PHF3: variants seen among roughly 807,000 people sequenced by gnomAD.
The protein encoded by PHF3 is PHD finger protein 3.
Under a neutral mutation model 178.4 loss-of-function variants are expected in PHF3, and 41 were observed. That is an observed-to-expected ratio of 0.23 (90% CI 0.18 to 0.30). The LOEUF (loss-of-function observed/expected upper bound fraction) is 0.30, where lower values mean the gene tolerates loss of function less well. Ranked by LOEUF, PHF3 falls within the 10% of genes least tolerant of loss-of-function variation. The pLI is 1.00. For synonymous variants in PHF3, 842 were observed against 800.5 expected (o/e 1.05, Z -0.88); for missense variants, 2,346 against 2,398.1 (o/e 0.98, Z 0.45).
chr6:63,687,339 A>G (rs568559697), intron 4 of PHF3, among the ~76,000 whole-genome samples: 18 of 152,302 alleles, frequency 1.2e-4, no homozygotes, highest in African/African-American at 4.1e-4. Flanking sequence ...CATGAGAATC[A>G]CTTGAACCTG....
Position 63,720,211 on chromosome 6 carries a change from A to G in PHF3, c.*6503A>G, listed in dbSNP as rs1160004095. The G allele has an allele frequency of 7.5e-6, 2 of 267,578 alleles. No homozygotes were observed. The highest frequency in any genetic ancestry group is 1.4e-5 in the Non-Finnish European group (2 of 143,380). 16.6% of individuals were successfully genotyped at this position (267,578 alleles called of 1,614,324 possible). ...TTTTTCTTATTTGTACCTATCCCTA[A>G]TTCATTCCCAACTGAATTTTAAACA... On this transcript the variant is annotated 3_prime_UTR_variant, in exon 16 of 16. Transcript: ENST00000262043.
At chr6:63,663,040 A>G (rs1047241769) in intron 2 of PHF3, among the ~76,000 whole-genome samples, 3 of 152,216 alleles carry the variant, frequency 2.0e-5, no homozygotes, top group Non-Finnish European at 4.4e-5. Context: ...ATTTTGATAT[A>G]AAGAATATCA....
Position 63,694,741 on chromosome 6 carries a change from C to T in PHF3, c.2657C>T (p.Thr886Ile). The T allele has an allele frequency of 2.0e-6, 3 of 1,528,212 alleles. No homozygotes were observed. The highest frequency in any genetic ancestry group is 1.8e-6 in the Non-Finnish European group (2 of 1,138,898). 94.7% of individuals were successfully genotyped at this position (1,528,212 alleles called of 1,614,324 possible). ...IPKESTTVTCTGEKASKPGTH... is the reference protein window; with the variant it reads ...IPKESTTVTCIGEKASKPGTH... ...AAAGAGTCTACAACTGTTACTTGCA[C>T]AGGAGAAAAAGCTTCAAAACCAGGT... Residue 886 changes from threonine (T) to isoleucine (I), a missense_variant, in exon 6 of 16, where the codon ACA (threonine) becomes ATA (isoleucine). Physicochemically the swap from Thr to Ile is moderately conservative, Grantham distance 89 (BLOSUM62 -1). Around this residue, in one of 8 missense-constraint regions of PHF3, gnomAD observed 252 missense variants for 232.0 expected, o/e 1.09. Coordinates refer to ENST00000262043, the MANE Select transcript of PHF3 (RefSeq NM_001370348.2).
At position 63,720,609 on chromosome 6, in the gene PHF3, T is replaced by C. The variant is rs901774102; in HGVS notation, c.*6901T>C. The C allele has an allele frequency of 1.3e-6, 2 of 1,484,396 alleles. No individual in the cohort carries two copies. Among genetic ancestry groups the C allele is most frequent in the Non-Finnish European group, 1.8e-6 (2 of 1,114,630 alleles). 92.0% of individuals were successfully genotyped at this position (1,484,396 alleles called of 1,614,324 possible). A position where few individuals can be genotyped will look rare whatever the true frequency, so the allele number is the denominator to read the frequency against. On this transcript the variant is annotated 3_prime_UTR_variant, in exon 16 of 16. Coordinates refer to ENST00000262043, the MANE Select transcript of PHF3 (RefSeq NM_001370348.2). ...TCTAGTGTTAACTTATGTAACCTCA[T>C]TTTGTTCATCTCCATCATAAACATT... is the stretch of plus-strand genomic sequence containing the variant.
At chr6:63,699,099 G>A (rs1454368397) in intron 8 of PHF3, among the ~76,000 whole-genome samples, 2 of 152,114 alleles carry the variant, frequency 1.3e-5, no homozygotes, top group African/African-American at 4.8e-5. Context: ...AAGTATTATA[G>A]CAGTAGAGTA....
intron 2 of PHF3, among the ~76,000 whole-genome samples, chr6:63,653,780 CTT>C (rs1765118366): frequency 6.6e-6 from 1 of 151,958 alleles, no homozygotes; most frequent in Non-Finnish European, 1.5e-5. Flanking sequence ...TTTGTCATGC[CTT>C]TATTGTGTTG....
chr6:63,714,849 CTGTACAGTTTCATA>C lies in PHF3; in HGVS notation c.*1144_*1157del, dbSNP rs1768131262. On this transcript the variant is annotated 3_prime_UTR_variant, in exon 16 of 16. Coordinates refer to ENST00000262043, the MANE Select transcript of PHF3 (RefSeq NM_001370348.2). Reference sequence around the variant, plus strand: ...CGATTTAGCCTAATTCGTAAAGTAACTGTACAGTTTCATATGCCAGTTTTACTTGAAAAAAAAAT... The same window carrying C: ...CGATTTAGCCTAATTCGTAAAGTAACTGCCAGTTTTACTTGAAAAAAAAAT... The C allele has an allele frequency of 6.6e-6, 1 of 151,832 alleles. No individual in the cohort carries two copies. The highest frequency in any genetic ancestry group is 2.4e-5 in the African/African-American group (1 of 41,352). The allele number at this position is 151,832 out of a possible 1,614,324, so 9.4% of individuals were successfully genotyped here.
At chr6:63,707,967 A>G (rs1451367713) in intron 13 of PHF3, among the ~76,000 whole-genome samples, 6 of 151,942 alleles carry the variant, frequency 3.9e-5, no homozygotes, top group African/African-American at 9.7e-5. Context: ...CCCGGGTTCA[A>G]CCATTCTCCT....
chr6:63,662,465 A>G (rs1765510248), intron 2 of PHF3, among the ~76,000 whole-genome samples: 1 of 152,220 alleles, frequency 6.6e-6, no homozygotes, highest in South Asian at 2.1e-4. Flanking sequence ...ACAGGATTGC[A>G]GAATCCCTTG....
Position 63,706,717 on chromosome 6 carries a change from G to A in PHF3, c.3564-12G>A, listed in dbSNP as rs750938743. 3.1e-6 allele frequency: 5 copies of A among 1,611,156 alleles called. No individual in the cohort carries two copies. The East Asian group carries it at 6.7e-5, about 22-fold the overall frequency. On this transcript the variant is annotated splice_polypyrimidine_tract_variant and intron_variant, in intron 12 of 15. Transcript: ENST00000262043. ...TCAGCTTGTCTTTAGGCTTTTTAAT[G>A]TCATTTTCTAGTCCAGAGATGCCTG... is the stretch of plus-strand genomic sequence containing the variant.
At chr6:63,692,998 C>T (rs1232555379) in intron 5 of PHF3, among the ~76,000 whole-genome samples, 3 of 152,136 alleles carry the variant, frequency 2.0e-5, no homozygotes, top group African/African-American at 7.2e-5. Context: ...CCTTGTACGA[C>T]AAATCTGGAT....
intron 1 of PHF3, among the ~76,000 whole-genome samples, chr6:63,643,957 T>G (rs998351892): frequency 6.6e-6 from 1 of 152,206 alleles, no homozygotes. Context: ...GGCCTGGTCT[T>G]CAGTATAGCT....
intron 2 of PHF3, among the ~76,000 whole-genome samples, chr6:63,650,084 A>G (rs1468712436): frequency 3.3e-5 from 5 of 152,228 alleles, no homozygotes; most frequent in African/African-American, 9.6e-5. Flanking sequence ...TATATTGAAA[A>G]TAAATGTTCA....
Position 63,694,747 on chromosome 6 carries a change from A to C in PHF3, c.2663A>C (p.Glu888Ala), listed in dbSNP as rs1434851076. The C allele has an allele frequency of 2.0e-6, 3 of 1,503,146 alleles. No individual in the cohort carries two copies. The highest frequency in any genetic ancestry group is 1.8e-6 in the Non-Finnish European group (2 of 1,126,732). 93.1% of individuals were successfully genotyped at this position (1,503,146 alleles called of 1,614,324 possible). ...KESTTVTCTG[E>A]KASKPGTHEK... ...TCTACAACTGTTACTTGCACAGGAG[A>C]AAAAGCTTCAAAACCAGGTAGTGAG... Residue 888 changes from glutamate (E) to alanine (A), a missense_variant, in exon 6 of 16, where the codon GAA (glutamate) becomes GCA (alanine). Around this residue, in one of 8 missense-constraint regions of PHF3, gnomAD observed 252 missense variants for 232.0 expected, o/e 1.09. Coordinates refer to ENST00000262043, the MANE Select transcript of PHF3 (RefSeq NM_001370348.2).
rs1768458900 is a variant in PHF3, at chr6:63,722,861, C to T, written c.*9153C>T. Among the ~76,000 whole-genome samples the T allele has an allele frequency of 6.6e-6, 1 of 152,188 alleles. No individual in the cohort carries two copies. The highest frequency in any genetic ancestry group is 1.5e-5 in the Non-Finnish European group (1 of 68,030). ...GTTTGGCAGCTCTATAGTTCTTCACCTATCAAACTACGTTCTCTAGCTTTA... is the reference window on the plus strand; with the variant it reads ...GTTTGGCAGCTCTATAGTTCTTCACTTATCAAACTACGTTCTCTAGCTTTA... On this transcript the variant is annotated 3_prime_UTR_variant, in exon 16 of 16. Coordinates refer to ENST00000262043, the MANE Select transcript of PHF3 (RefSeq NM_001370348.2).
At position 63,715,326 on chromosome 6, in the gene PHF3, ATTAAC is replaced by A. The variant is rs1768153557; in HGVS notation, c.*1621_*1625del. 1 of 152,184 alleles carries A rather than the reference ATTAAC, an allele frequency of 6.6e-6. No individual in the cohort carries two copies. The highest frequency in any genetic ancestry group is 1.5e-5 in the Non-Finnish European group (1 of 68,026). 9.4% of individuals were successfully genotyped at this position (152,184 alleles called of 1,614,324 possible). ...ACTTTGGTCCACTTTTCTTTTGGAAATTAACTTGTTAGAAAACAAAGTTAGTTCCC... is the reference window on the plus strand; with the variant it reads ...ACTTTGGTCCACTTTTCTTTTGGAAATTGTTAGAAAACAAAGTTAGTTCCC... On this transcript the variant is annotated 3_prime_UTR_variant, in exon 16 of 16. Transcript: ENST00000262043.
chr6:63,642,466 G>A (rs955797677), intron 1 of PHF3, among the ~76,000 whole-genome samples: 3 of 152,194 alleles, frequency 2.0e-5, no homozygotes, highest in African/African-American at 7.2e-5. Flanking sequence ...TGTAGTAGAT[G>A]CTTAACACAT....
rs1768461572 is a variant in PHF3, at chr6:63,722,920, A to C, written c.*9212A>C. On this transcript the variant is annotated 3_prime_UTR_variant, in exon 16 of 16. Coordinates refer to ENST00000262043, the MANE Select transcript of PHF3 (RefSeq NM_001370348.2). ...ATAGGGAATTTTTAGTGAGTATACT[A>C]TGTCGTTACATATGTGATATTTGGT... Among the ~76,000 whole-genome samples the C allele has an allele frequency of 1.3e-5, 2 of 152,322 alleles. No individual in the cohort carries two copies. The highest frequency in any genetic ancestry group is 6.5e-5 in the Admixed American group (1 of 15,284).
chr6:63,666,898 C>T (rs1488357916), intron 2 of PHF3, among the ~76,000 whole-genome samples: 1 of 151,832 alleles, frequency 6.6e-6, no homozygotes, highest in Non-Finnish European at 1.5e-5. Context: ...ATTACAGGCA[C>T]GTGCCACCAT....
Sources: allele counts gnomAD v4.1 joint callset (sites outside exome capture counted in the v4.1 genomes callset), GRCh38; gene constraint gnomAD v4.1.1; regional missense constraint gnomAD v4.1.1; transcripts MANE v1.5; gene names NCBI Gene and HGNC (gene_info 2026-07-23, HGNC 2026-07-21).